Variants in PREX1 observed in about 807,000 individuals in gnomAD.
PREX1 encodes the protein phosphatidylinositol-3,4,5-trisphosphate dependent Rac exchange factor 1.
In PREX1, 41 loss-of-function variants were observed where a neutral mutation model predicts 198.3. That is an observed-to-expected ratio of 0.21 (90% CI 0.16 to 0.27). The LOEUF (loss-of-function observed/expected upper bound fraction) is 0.27, where lower values mean the gene tolerates loss of function less well. Ranked by LOEUF, PREX1 falls within the 10% of genes least tolerant of loss-of-function variation. PREX1 has a pLI of 1.00. For synonymous variants in PREX1, 843 were observed against 887.2 expected (o/e 0.95, Z 0.89); for missense variants, 1,620 against 2,200.7 (o/e 0.74, Z 5.28).
At chr20:48,868,860 A>G in the PREX1 span, among the ~76,000 whole-genome samples, 2 of 151,990 alleles carry the variant, frequency 1.3e-5, no homozygotes, top group Non-Finnish European at 2.9e-5. Flanking sequence ...TAAATAATCT[A>G]TCCTAAAGAA....
chr20:48,834,311 T>C, the PREX1 span, among the ~76,000 whole-genome samples: 56 of 152,274 alleles, frequency 3.7e-4, no homozygotes, highest in Admixed American at 6.5e-4. Context: ...CAGCCAGGAA[T>C]GCCAGATGGT....
At chr20:48,701,855 G>C (rs2089876539) in intron 6 of PREX1, among the ~76,000 whole-genome samples, 2 of 152,194 alleles carry the variant, frequency 1.3e-5, no homozygotes, top group African/African-American at 4.8e-5. Context: ...ATGTCAGTGA[G>C]GTTCCGGGCA....
chr20:48,876,468 T>A, the PREX1 span, among the ~76,000 whole-genome samples: 1 of 152,230 alleles, frequency 6.6e-6, no homozygotes, highest in African/African-American at 2.4e-5. Flanking sequence ...TTGCTTGTTT[T>A]CTCTTTTTAT....
intron 26 of PREX1, 105 bp downstream of exon 26, chr20:48,645,746 G>A (rs1409336116): frequency 1.5e-6 from 2 of 1,293,806 alleles, no homozygotes; most frequent in Admixed American, 2.1e-5. Context: ...TGAGCCCACT[G>A]CACCCTGAGA....
intron 25 of PREX1, among the ~76,000 whole-genome samples, chr20:48,647,011 C>T (rs564639193): frequency 6.6e-6 from 1 of 152,342 alleles, no homozygotes; most frequent in African/African-American, 2.4e-5. Context: ...GAGGCTGAGG[C>T]AGGAGGATCT....
intron 13 of PREX1, among the ~76,000 whole-genome samples, chr20:48,678,816 A>G (rs759790309): frequency 2.6e-5 from 4 of 152,074 alleles, no homozygotes; most frequent in Non-Finnish European, 5.9e-5. Context: ...TTTTCTTTAT[A>G]AATTACCCAG....
chr20:48,873,486 G>T, the PREX1 span, among the ~76,000 whole-genome samples: 1 of 149,556 alleles, frequency 6.7e-6, no homozygotes, highest in Admixed American at 6.7e-5. Flanking sequence ...AGACGGGCAG[G>T]TCACCTGAGG....
chr20:48,818,357 G>A (rs917640264), intron 1 of PREX1, among the ~76,000 whole-genome samples: 10 of 152,180 alleles, frequency 6.6e-5, no homozygotes, highest in Non-Finnish European at 1.0e-4. Flanking sequence ...AAACTTTATG[G>A]GGAAAAAGGA....
intron 1 of PREX1, among the ~76,000 whole-genome samples, chr20:48,820,316 A>T (rs573641993): frequency 1.3e-5 from 2 of 152,298 alleles, no homozygotes; most frequent in African/African-American, 4.8e-5. Flanking sequence ...GAGTAACCCT[A>T]GGAGTGCTGG....
chr20:48,875,098 C>A, the PREX1 span, among the ~76,000 whole-genome samples: 2 of 152,150 alleles, frequency 1.3e-5, no homozygotes, highest in East Asian at 3.9e-4. Context: ...AACGTACTCT[C>A]ACATGAAGTG....
chr20:48,674,081 C>T (rs6063305), intron 14 of PREX1, among the ~76,000 whole-genome samples: 33,091 of 152,152 alleles, frequency 0.22, 4,306 homozygotes, highest in South Asian at 0.38. Context: ...GTGATTCTCA[C>T]GAGGGCTGGG....
intron 3 of PREX1, among the ~76,000 whole-genome samples, chr20:48,741,892 T>C (rs2090083815): frequency 6.6e-6 from 1 of 152,096 alleles, no homozygotes; most frequent in Admixed American, 6.6e-5. Flanking sequence ...AGGAGATCCG[T>C]GTGGCTAGAG....
chr20:48,760,400 T>C (rs1156445286), intron 1 of PREX1, among the ~76,000 whole-genome samples: 2 of 152,034 alleles, frequency 1.3e-5, no homozygotes, highest in African/African-American at 4.8e-5. Context: ...GGGAAGGCTT[T>C]ATAAACTGCA....
intron 32 of PREX1, among the ~76,000 whole-genome samples, chr20:48,635,728 C>T (rs2089357509): frequency 6.6e-6 from 1 of 152,222 alleles, no homozygotes; most frequent in East Asian, 1.9e-4. Context: ...TCTGTCCTTT[C>T]TTCTTCTCAA....
intron 19 of PREX1, among the ~76,000 whole-genome samples, chr20:48,654,841 G>C (rs1308059868): frequency 6.6e-6 from 1 of 152,218 alleles, no homozygotes; most frequent in Non-Finnish European, 1.5e-5. Flanking sequence ...AGCACACAAG[G>C]AATAGGCAAT....
At chr20:48,828,583 G>C (rs895551430), upstream of PREX1, among the ~76,000 whole-genome samples, 1 of 152,182 alleles carries the variant, frequency 6.6e-6, no homozygotes, top group African/African-American at 2.4e-5. Flanking sequence ...GGAACGCCGG[G>C]CCCTCGCGGT....
Position 48,827,409 on chromosome 20 carries a change from G to A in PREX1, c.219+233C>T, listed in dbSNP as rs1029573713. Among the ~76,000 whole-genome samples, 13 of 152,172 alleles carry A rather than the reference G, an allele frequency of 8.5e-5. 1 individual carries two copies. The highest frequency in any genetic ancestry group is 3.1e-4 in the African/African-American group (13 of 41,448). On this transcript the variant is annotated intron_variant, in intron 1 of 39. Transcript: ENST00000371941. This position sits in a 1 kb window ranked among gnomAD's most constrained non-coding sequence, Gnocchi z 4.1. The stretch of plus-strand genomic sequence containing the variant: ...AAGACAAAAGGGCAGCGCGCGCCGC[G>A]GGGAAGTGGAGTGCGGGAGAGCCCC...
At chr20:48,723,274 G>A (rs2089994048) in intron 5 of PREX1, among the ~76,000 whole-genome samples, 1 of 152,230 alleles carries the variant, frequency 6.6e-6, no homozygotes, top group African/African-American at 2.4e-5. Flanking sequence ...TCTGAATCTG[G>A]AGAAGCCAGA....
At chr20:48,884,656 A>G in the PREX1 span, among the ~76,000 whole-genome samples, 1 of 152,264 alleles carries the variant, frequency 6.6e-6, no homozygotes, top group East Asian at 1.9e-4. Context: ...AAGAAAAACA[A>G]TAGATACATT....
Sources: gnomAD v4.1 joint callset for allele counts (sites outside exome capture counted in the v4.1 genomes callset) on GRCh38, gnomAD v4.1.1 for gene constraint, Gnocchi (gnomAD v3.1) non-coding constraint, MANE v1.5 for transcripts, NCBI Gene and HGNC (gene_info 2026-07-23, HGNC 2026-07-21) for gene names.